The following SCAPER variants were observed in gnomAD, a reference collection of about 807,000 sequenced individuals.
SCAPER encodes S-phase cyclin A associated protein in the ER.
Under a neutral mutation model 182.2 loss-of-function variants are expected in SCAPER, and 98 were observed. The observed-to-expected ratio is 0.54, with a 90% CI of 0.46 to 0.64. The LOEUF (loss-of-function observed/expected upper bound fraction) is 0.64. Ranked by LOEUF, SCAPER falls within the 30% of genes least tolerant of loss-of-function variation. The pLI, the probability that SCAPER is intolerant of heterozygous loss-of-function variation, is 0.00. For synonymous variants in SCAPER, 605 were observed against 564.6 expected (o/e 1.07, Z -1.01); for missense variants, 1,432 against 1,690.0 (o/e 0.85, Z 2.68).
chr15:76,477,277 T>C (rs932680132), intron 24 of SCAPER, among the ~76,000 whole-genome samples: 9 of 152,198 alleles, frequency 5.9e-5, no homozygotes, highest in African/African-American at 2.2e-4. Context: ...GTATGGTGGA[T>C]TGTAAAACCT....
At chr15:76,529,539 G>A (rs1358295053) in intron 23 of SCAPER, among the ~76,000 whole-genome samples, 1 of 152,190 alleles carries the variant, frequency 6.6e-6, no homozygotes, top group Non-Finnish European at 1.5e-5. Context: ...GGGGGCCTCT[G>A]GGCTGTGGAG....
At chr15:76,441,424 A>G (rs541412590) in intron 25 of SCAPER, among the ~76,000 whole-genome samples, 1 of 152,330 alleles carries the variant, frequency 6.6e-6, no homozygotes, top group Admixed American at 6.5e-5. Context: ...AGTCTTCGTT[A>G]TACATGTTGA....
chr15:76,834,494 T>G (rs548572467), intron 5 of SCAPER, among the ~76,000 whole-genome samples: 1 of 151,766 alleles, frequency 6.6e-6, no homozygotes, highest in Non-Finnish European at 1.5e-5. Flanking sequence ...AGAAAATAAA[T>G]AACCAAACTC....
At chr15:76,816,915 G>A (rs1228946519) in intron 5 of SCAPER, among the ~76,000 whole-genome samples, 5 of 152,140 alleles carry the variant, frequency 3.3e-5, no homozygotes, top group Admixed American at 2.0e-4. Context: ...GCCTCCCAAA[G>A]TGCTGGGATT....
intron 15 of SCAPER, among the ~76,000 whole-genome samples, chr15:76,742,342 T>C (rs545253941): frequency 6.8e-6 from 1 of 148,046 alleles, no homozygotes; most frequent in South Asian, 2.2e-4. Flanking sequence ...GTAGGTAATC[T>C]AGAGGAAGAA....
At chr15:76,790,310 T>C (rs1048025652) in intron 8 of SCAPER, among the ~76,000 whole-genome samples, 23 of 152,318 alleles carry the variant, frequency 1.5e-4, no homozygotes, top group East Asian at 5.8e-4. Flanking sequence ...TAAGGTTACA[T>C]TGGCAACATT....
At chr15:76,682,509 G>C (rs900410891) in intron 20 of SCAPER, among the ~76,000 whole-genome samples, 31 of 152,146 alleles carry the variant, frequency 2.0e-4, no homozygotes, top group Non-Finnish European at 3.4e-4. Flanking sequence ...AGCACAAGCA[G>C]GAAGGCCACA....
chr15:76,795,173 T>C (rs911367549), intron 8 of SCAPER, 107 bp downstream of exon 8: 7 of 998,972 alleles, frequency 7.0e-6, no homozygotes, highest in Middle Eastern at 3.4e-4. Context: ...TAAATTAATA[T>C]TACGTATGTT....
intron 14 of SCAPER, among the ~76,000 whole-genome samples, chr15:76,757,914 G>C (rs76570484): frequency 6.6e-6 from 1 of 152,240 alleles, no homozygotes; most frequent in East Asian, 1.9e-4. Context: ...CTTTTGAGAA[G>C]TGTCTCTTTA....
At chr15:76,695,106 T>A (rs2058582132) in intron 20 of SCAPER, among the ~76,000 whole-genome samples, 1 of 152,130 alleles carries the variant, frequency 6.6e-6, no homozygotes, top group African/African-American at 2.4e-5. Flanking sequence ...TAAAACAAAG[T>A]CTTAATTTCA....
chr15:76,420,191 T>A (rs1056429176), intron 26 of SCAPER, among the ~76,000 whole-genome samples: 4 of 151,210 alleles, frequency 2.6e-5, no homozygotes, highest in Admixed American at 6.6e-5. Context: ...AGATCAGGAA[T>A]GAGACGAGGA....
At chr15:76,847,547 C>T (rs1409969633) in intron 4 of SCAPER, among the ~76,000 whole-genome samples, 2 of 152,144 alleles carry the variant, frequency 1.3e-5, no homozygotes, top group African/African-American at 4.8e-5. Context: ...AGTTATTACA[C>T]ACTGCATGAC....
At chr15:76,854,039 G>T (rs891119743) in intron 4 of SCAPER, among the ~76,000 whole-genome samples, 5 of 152,150 alleles carry the variant, frequency 3.3e-5, no homozygotes, top group African/African-American at 1.2e-4. Context: ...GGGAGGCCGA[G>T]GCAGGCGGAT....
chr15:76,526,928 G>A (rs1030317733), intron 23 of SCAPER, among the ~76,000 whole-genome samples: 7 of 151,796 alleles, frequency 4.6e-5, no homozygotes, highest in Non-Finnish European at 1.0e-4. Flanking sequence ...CTGGAGTGCA[G>A]TCGCGCGATC....
rs183399668 is a variant in SCAPER, at chr15:76,439,302, C to A, written c.3079-4992G>T. Among the ~76,000 whole-genome samples the A allele has an allele frequency of 3.3e-5, 5 of 152,300 alleles. No homozygotes were observed. In the East Asian group the frequency reaches 9.6e-4, roughly 29 times the overall value. On this transcript the variant is annotated intron_variant, in intron 25 of 31. Transcript: ENST00000563290. The stretch of plus-strand genomic sequence containing the variant: ...TCATGTTTGCCAGGCTTGTCTCAAA[C>A]TCCTGGCCTCAAGCAATCCGACCAC...
intron 25 of SCAPER, among the ~76,000 whole-genome samples, chr15:76,456,142 G>A (rs945258929): frequency 2.0e-4 from 30 of 152,104 alleles, no homozygotes; most frequent in African/African-American, 7.2e-4. Flanking sequence ...GTGTGCATGT[G>A]TCTTTATAGT....
At chr15:76,439,432 T>C (rs893967032) in intron 25 of SCAPER, among the ~76,000 whole-genome samples, 2 of 152,250 alleles carry the variant, frequency 1.3e-5, no homozygotes, top group African/African-American at 2.4e-5. Flanking sequence ...CAAAGCAGTA[T>C]ACTGCACTGC....
At chr15:76,367,944 GCTATAATA>G (rs2041916973) in intron 29 of SCAPER, among the ~76,000 whole-genome samples, 1 of 151,754 alleles carries the variant, frequency 6.6e-6, no homozygotes. Flanking sequence ...TTTCTTTGGT[GCTATAATA>G]TTGAGAGTAA....
intron 16 of SCAPER, among the ~76,000 whole-genome samples, chr15:76,732,283 A>G (rs1248321469): frequency 6.6e-6 from 1 of 152,158 alleles, no homozygotes; most frequent in Non-Finnish European, 1.5e-5. Flanking sequence ...AATATACAAA[A>G]TAAGAATAGT....
Sources: gnomAD v4.1 joint callset for allele counts (sites outside exome capture counted in the v4.1 genomes callset) on GRCh38, gnomAD v4.1.1 for gene constraint, MANE v1.5 for transcripts, NCBI Gene and HGNC (gene_info 2026-07-23, HGNC 2026-07-21) for gene names.